Variants in ASXL2 observed in about 807,000 individuals in gnomAD.
The protein encoded by ASXL2 is ASXL transcriptional regulator 2, also known as putative Polycomb group protein ASXL2.
In ASXL2, 23 loss-of-function variants were observed where a neutral mutation model predicts 122.0. That is an observed-to-expected ratio of 0.19 (90% CI 0.14 to 0.27). The LOEUF (loss-of-function observed/expected upper bound fraction) is 0.27. Among genes scored for constraint, ASXL2 ranks in the 10% least tolerant of loss-of-function variants. The probability of loss-of-function intolerance (pLI) is 1.00; values close to 1 mark genes in which losing one functional copy is unlikely to be tolerated. For missense variants in ASXL2, 1,518 were observed against 1,713.8 expected, an observed-to-expected ratio of 0.89 and a Z score of 2.02; for synonymous variants, 650 against 637.0, an observed-to-expected ratio of 1.02 and a Z score of -0.31.
At chr2:25,765,284 G>GA (rs1325387290) in intron 8 of ASXL2, among the ~76,000 whole-genome samples, 1 of 152,064 alleles carries the variant, frequency 6.6e-6, no homozygotes, top group Non-Finnish European at 1.5e-5. Context: ...AGGAGATCAA[G>GA]ACCATCCTGG....
intron 8 of ASXL2, among the ~76,000 whole-genome samples, chr2:25,763,217 G>A (rs909018830): frequency 3.3e-5 from 5 of 151,928 alleles, no homozygotes; most frequent in Middle Eastern, 3.4e-3. Flanking sequence ...TGGGCGCAGT[G>A]GCTCATGCCT....
intron 5 of ASXL2, among the ~76,000 whole-genome samples, chr2:25,792,885 C>A (rs538851073): frequency 1.2e-4 from 18 of 151,966 alleles, no homozygotes; most frequent in African/African-American, 4.3e-4. Context: ...GGATTACAGG[C>A]GTGAGCCACC....
At position 25,878,351 on chromosome 2, in the gene ASXL2, G is replaced by C; in HGVS notation, c.-129C>G. 1 of 953,510 alleles carries C rather than the reference G, an allele frequency of 1.0e-6. No homozygotes were observed. The highest frequency in any genetic ancestry group is 1.6e-6 in the Non-Finnish European group (1 of 626,054). 59.1% of individuals were successfully genotyped at this position (953,510 alleles called of 1,614,324 possible). A position where few individuals can be genotyped will look rare whatever the true frequency, so the allele number is the denominator to read the frequency against. On this transcript the variant is annotated 5_prime_UTR_variant, in exon 1 of 13. Coordinates refer to ENST00000435504, the MANE Select transcript of ASXL2 (RefSeq NM_018263.6). ...GAGAAAAGGGAAGTCAGACCGGGGGGGCACCCAAGCAGAGGAAGCGGCGGG... is the reference window on the plus strand; with the variant it reads ...GAGAAAAGGGAAGTCAGACCGGGGGCGCACCCAAGCAGAGGAAGCGGCGGG...
intron 1 of ASXL2, among the ~76,000 whole-genome samples, chr2:25,875,350 C>T (rs1312881673): frequency 6.6e-6 from 1 of 152,012 alleles, no homozygotes; most frequent in East Asian, 1.9e-4. Context: ...TGCCTATAGT[C>T]CCAGCTACTT....
intron 4 of ASXL2, among the ~76,000 whole-genome samples, chr2:25,803,945 T>C (rs765571233): frequency 8.5e-5 from 13 of 152,184 alleles, no homozygotes; most frequent in Admixed American, 7.9e-4. Flanking sequence ...GTTAGAAGTA[T>C]TGTACTTAAC....
chr2:25,763,094 G>A (rs1460565472), intron 8 of ASXL2, among the ~76,000 whole-genome samples: 2 of 152,150 alleles, frequency 1.3e-5, no homozygotes, highest in African/African-American at 4.8e-5. Flanking sequence ...AGAACAGGGA[G>A]AACTGGACAA....
chr2:25,768,782 C>A lies in ASXL2; in HGVS notation c.591G>T (p.Lys197Asn). 6.2e-7 allele frequency: 1 copy of A among 1,613,882 alleles called. No individual in the cohort carries two copies. Among genetic ancestry groups the A allele is most frequent in the Non-Finnish European group, 8.5e-7 (1 of 1,179,812 alleles). Reference sequence around the variant, plus strand: ...CAGAGTCACTGGCTGCTTTGACAGTCTTTAGTGAGAGATGCTGGTTGGAGG... The same window carrying A: ...CAGAGTCACTGGCTGCTTTGACAGTATTTAGTGAGAGATGCTGGTTGGAGG... ...SISSNQHLSL[K>N]TVKAASDSVP... The change falls in exon 7 of 13, where the codon AAG becomes AAT. Residue 197 changes from lysine (K) to asparagine (N), a missense_variant. Lys to Asn is a moderately conservative substitution (Grantham distance 94, BLOSUM62 0). Coordinates refer to ENST00000435504, the MANE Select transcript of ASXL2 (RefSeq NM_018263.6).
At chr2:25,772,795 T>C (rs2088478813) in intron 5 of ASXL2, among the ~76,000 whole-genome samples, 1 of 138,448 alleles carries the variant, frequency 7.2e-6, no homozygotes, top group African/African-American at 2.7e-5. Flanking sequence ...GACATAAAAA[T>C]GTAGAAGCAT....
At chr2:25,863,136 T>C (rs899277597) in intron 1 of ASXL2, among the ~76,000 whole-genome samples, 3 of 151,660 alleles carry the variant, frequency 2.0e-5, no homozygotes, top group East Asian at 2.0e-4. Context: ...GAGACCATCC[T>C]AGCTAACACG....
chr2:25,860,993 CAG>C (rs2089838838), intron 1 of ASXL2, among the ~76,000 whole-genome samples: 1 of 152,184 alleles, frequency 6.6e-6, no homozygotes, highest in African/African-American at 2.4e-5. Flanking sequence ...GCCTGGGCGA[CAG>C]AGAGCTAGAC....
chr2:25,803,985 T>C (rs1264033461), intron 4 of ASXL2, among the ~76,000 whole-genome samples: 1 of 139,140 alleles, frequency 7.2e-6, no homozygotes, highest in Admixed American at 6.9e-5. Context: ...AACACTTTGG[T>C]TTTTTTTTCC....
intron 1 of ASXL2, among the ~76,000 whole-genome samples, chr2:25,860,648 T>A (rs1574452856): frequency 6.6e-6 from 1 of 151,418 alleles, no homozygotes; most frequent in African/African-American, 2.4e-5. Context: ...ATGGCAGAGG[T>A]TGCAGTGATC....
intron 1 of ASXL2, among the ~76,000 whole-genome samples, chr2:25,869,321 C>T (rs775783958): frequency 1.3e-5 from 2 of 151,444 alleles, no homozygotes; most frequent in African/African-American, 2.4e-5. Context: ...CAGAGTAAAA[C>T]GTTGTCTCCA....
chr2:25,782,214 TACTCAA>T (rs1483589719), intron 5 of ASXL2, among the ~76,000 whole-genome samples: 2 of 152,108 alleles, frequency 1.3e-5, no homozygotes, highest in African/African-American at 2.4e-5. Context: ...TGTCGCCGGT[TACTCAA>T]ACTGCTTTCT....
intron 2 of ASXL2, among the ~76,000 whole-genome samples, chr2:25,843,109 G>C (rs905709036): frequency 1.3e-5 from 2 of 151,634 alleles, no homozygotes; most frequent in African/African-American, 4.8e-5. Context: ...GACCATCTTG[G>C]CTAACACGGT....
At chr2:25,862,611 G>A (rs959693392) in intron 1 of ASXL2, among the ~76,000 whole-genome samples, 1 of 152,150 alleles carries the variant, frequency 6.6e-6, no homozygotes, top group African/African-American at 2.4e-5. Context: ...TTGTTTGTTT[G>A]TTTTTTGAGA....
Position 25,742,406 on chromosome 2 carries a change from G to A in ASXL2, c.3931C>T (p.Leu1311=), listed in dbSNP as rs2087846074. The part of the protein sequence containing the change: ...PTHQPLLLPP[L]QTPKLYGSPT... ...CTTCCATACAACTTCGGGGTTTGCA[G>A]GGGTGGAAGGAGTAGGGGCTGGTGG... Residue 1311 remains leucine (L), a synonymous_variant, in exon 13 of 13, where the codon CTG becomes TTG. Transcript: ENST00000435504. 1.9e-6 allele frequency: 3 copies of A among 1,610,662 alleles called. No individual in the cohort carries two copies. The highest frequency in any genetic ancestry group is 2.5e-6 in the Non-Finnish European group (3 of 1,178,316).
chr2:25,815,891 A>T (rs1418380155), intron 3 of ASXL2, among the ~76,000 whole-genome samples: 1 of 152,228 alleles, frequency 6.6e-6, no homozygotes, highest in African/African-American at 2.4e-5. Context: ...AAAAGCAATC[A>T]AATTTACAGA....
intron 1 of ASXL2, chr2:25,856,531 C>T (rs909342142): frequency 1.2e-5 from 13 of 1,127,104 alleles, no homozygotes; most frequent in Non-Finnish European, 1.7e-5. Flanking sequence ...CTCCTCAATC[C>T]TCAAATGAGT....
Sources: gnomAD v4.1 joint callset for allele counts (sites outside exome capture counted in the v4.1 genomes callset) on GRCh38, gnomAD v4.1.1 for gene constraint, MANE v1.5 for transcripts, NCBI Gene and HGNC (gene_info 2026-07-23, HGNC 2026-07-21) for gene names.